Variants in ACOXL observed in about 807,000 individuals in gnomAD.
ACOXL encodes acyl-coenzyme A oxidase-like protein.
A neutral mutation model predicts 71.9 loss-of-function variants in ACOXL; 70 were observed. The ratio of observed to expected loss-of-function variants is 0.97; its 90% CI spans 0.80 to 1.19. The LOEUF (loss-of-function observed/expected upper bound fraction) is 1.19, where lower values mean the gene tolerates loss of function less well. Among genes scored for constraint, ACOXL ranks in the 50% most tolerant of loss-of-function variants. The probability of loss-of-function intolerance (pLI) is 0.00; values close to 1 mark genes in which losing one functional copy is unlikely to be tolerated. For synonymous variants in ACOXL, 253 were observed against 281.6 expected (o/e 0.90, Z 1.02); for missense variants, 703 against 736.3 (o/e 0.95, Z 0.52).
intron 10 of ACOXL, among the ~76,000 whole-genome samples, chr2:110,874,273 C>T (rs753608451): frequency 2.0e-4 from 30 of 152,272 alleles, no homozygotes; most frequent in African/African-American, 6.3e-4. Context: ...GCGTGCCCCA[C>T]GTTGGTTGGC....
chr2:111,114,703 A>G (rs569821820), intron 17 of ACOXL, among the ~76,000 whole-genome samples: 76 of 152,202 alleles, frequency 5.0e-4, no homozygotes, highest in Non-Finnish European at 8.5e-4. Context: ...CTGGGAAAAT[A>G]TGGTTTGTTC....
intron 1 of ACOXL, among the ~76,000 whole-genome samples, chr2:110,745,350 C>T (rs1029402964): frequency 3.6e-4 from 55 of 152,318 alleles, no homozygotes; most frequent in Admixed American, 3.3e-3. Flanking sequence ...CATTGCTCTT[C>T]CTTGCAGTGG....
At chr2:110,941,381 C>G (rs192766604) in intron 12 of ACOXL, among the ~76,000 whole-genome samples, 18 of 152,312 alleles carry the variant, frequency 1.2e-4, no homozygotes, top group Admixed American at 1.2e-3. Context: ...AAACAGTTTG[C>G]AAGACACCGG....
chr2:110,888,573 A>G (rs535940741), intron 10 of ACOXL, among the ~76,000 whole-genome samples: 2 of 152,314 alleles, frequency 1.3e-5, no homozygotes, highest in African/African-American at 4.8e-5. Context: ...AATAGGGCCC[A>G]TATTCTCATA....
chr2:111,051,559 C>T (rs2066289630), intron 16 of ACOXL, among the ~76,000 whole-genome samples: 1 of 152,162 alleles, frequency 6.6e-6, no homozygotes, highest in South Asian at 2.1e-4. Flanking sequence ...ACTTCCACCT[C>T]CTGGGTTCAA....
intron 10 of ACOXL, among the ~76,000 whole-genome samples, chr2:110,875,889 G>A (rs1695836391): frequency 6.6e-6 from 1 of 152,096 alleles, no homozygotes; most frequent in African/African-American, 2.4e-5. Flanking sequence ...ACCTGCAGGT[G>A]AGTCCCTGGC....
At chr2:111,078,466 G>A (rs1318029639) in intron 16 of ACOXL, among the ~76,000 whole-genome samples, 1 of 152,116 alleles carries the variant, frequency 6.6e-6, no homozygotes, top group Non-Finnish European at 1.5e-5. Context: ...GTTTCACCAT[G>A]TTGGCCAGGC....
chr2:110,826,127 T>G (rs943214179), intron 9 of ACOXL, among the ~76,000 whole-genome samples: 2 of 152,232 alleles, frequency 1.3e-5, no homozygotes, highest in African/African-American at 2.4e-5. Flanking sequence ...AAAAGGCCAC[T>G]TTGGATAAAA....
Position 110,987,176 on chromosome 2 carries a change from C to T in ACOXL, c.1128C>T (p.Leu376=). 1 of 1,579,158 alleles carries T rather than the reference C, an allele frequency of 6.3e-7. No homozygotes were observed. Among genetic ancestry groups the T allele is most frequent in the South Asian group, 1.2e-5 (1 of 86,544 alleles). Residue 376 remains leucine (L), a synonymous_variant, in exon 13 of 18, where the codon CTC becomes CTT. Coordinates refer to ENST00000439055, the MANE Select transcript of ACOXL (RefSeq NM_001142807.4). ...AAGAAAAACCACTCTTTGGCCTGCTCCAAAACTGGGCTGAATCTGTGGGGG... is the reference window on the plus strand; with the variant it reads ...AAGAAAAACCACTCTTTGGCCTGCTTCAAAACTGGGCTGAATCTGTGGGGG... The part of the protein sequence containing the change: ...QYEEKPLFGL[L]QNWAESVGDK...
chr2:110,903,909 A>G (rs926739071), intron 10 of ACOXL, among the ~76,000 whole-genome samples: 4 of 152,230 alleles, frequency 2.6e-5, no homozygotes, highest in African/African-American at 9.6e-5. Flanking sequence ...GGGGACCCTA[A>G]GTCTTGAGGC....
chr2:110,984,266 TACAC>T (rs926758348), intron 12 of ACOXL, among the ~76,000 whole-genome samples: 4 of 152,228 alleles, frequency 2.6e-5, no homozygotes, highest in East Asian at 3.9e-4. Flanking sequence ...ATTATATATA[TACAC>T]ACACACATAT....
intron 15 of ACOXL, among the ~76,000 whole-genome samples, chr2:111,043,824 C>T (rs903329309): frequency 2.6e-5 from 4 of 152,194 alleles, no homozygotes; most frequent in African/African-American, 7.2e-5. Context: ...ATTTCTGCCA[C>T]AACTAAGAGG....
chr2:111,045,220 C>T (rs1052387971), intron 15 of ACOXL, among the ~76,000 whole-genome samples: 1 of 152,162 alleles, frequency 6.6e-6, no homozygotes, highest in Non-Finnish European at 1.5e-5. Context: ...ATTAGGCAGT[C>T]GATCCCTTGA....
intron 5 of ACOXL, chr2:110,795,858 A>G (rs1250508049): frequency 1.3e-5 from 2 of 152,046 alleles, no homozygotes; most frequent in African/African-American, 4.8e-5. Context: ...TTACTTTTTT[A>G]CAAAAATAAT....
chr2:110,822,841 G>C (rs1316418744), intron 9 of ACOXL, among the ~76,000 whole-genome samples: 1 of 152,010 alleles, frequency 6.6e-6, no homozygotes, highest in Non-Finnish European at 1.5e-5. Context: ...CATACCTTTG[G>C]CCACCCCAAT....
chr2:110,799,036 T>C lies in ACOXL; in HGVS notation c.483T>C (p.Pro161=). Residue 161 remains proline (P), a synonymous_variant, in exon 7 of 18, where the codon CCT becomes CCC. Coordinates refer to ENST00000439055, the MANE Select transcript of ACOXL (RefSeq NM_001142807.4). ...TAGGGCCCCACTGTTTCATCGTTCC[T>C]GTCCGGGATGAAAACGGAAGCTTGT... ...RSQGPHCFIV[P]VRDENGSLYP... is the part of the protein sequence containing the mutation. 6.2e-7 allele frequency: 1 copy of C among 1,613,970 alleles called. No individual in the cohort carries two copies. Among genetic ancestry groups the C allele is most frequent in the Non-Finnish European group, 8.5e-7 (1 of 1,179,918 alleles).
chr2:110,817,158 C>T (rs1333461343), intron 9 of ACOXL, among the ~76,000 whole-genome samples: 1 of 152,218 alleles, frequency 6.6e-6, no homozygotes, highest in Non-Finnish European at 1.5e-5. Flanking sequence ...CTAAGGCGGT[C>T]CAGGAGGAGA....
intron 9 of ACOXL, among the ~76,000 whole-genome samples, chr2:110,827,654 A>G (rs1326833772): frequency 6.6e-6 from 1 of 152,142 alleles, no homozygotes; most frequent in Non-Finnish European, 1.5e-5. Context: ...GAGAGAAGGC[A>G]ACACTTTCAG....
At chr2:111,029,536 G>C (rs2065170079) in intron 14 of ACOXL, among the ~76,000 whole-genome samples, 1 of 152,244 alleles carries the variant, frequency 6.6e-6, no homozygotes, top group South Asian at 2.1e-4. Context: ...GGATCACTGT[G>C]AAGCCCGCAG....
Sources: gnomAD v4.1 joint callset for allele counts (sites outside exome capture counted in the v4.1 genomes callset) on GRCh38, gnomAD v4.1.1 for gene constraint, MANE v1.5 for transcripts, NCBI Gene and HGNC (gene_info 2026-07-23, HGNC 2026-07-21) for gene names.